Variants in PRUNE1 observed in about 807,000 individuals in gnomAD.
The protein encoded by PRUNE1 is prune exopolyphosphatase 1.
In PRUNE1, 25 loss-of-function variants were observed where a neutral mutation model predicts 42.5. That is an observed-to-expected ratio of 0.59 (90% confidence interval 0.43 to 0.82). PRUNE1 has a LOEUF of 0.82. Among genes scored for constraint, PRUNE1 ranks in the 40% least tolerant of loss-of-function variants. The pLI, the probability that PRUNE1 is intolerant of heterozygous loss-of-function variation, is 0.00. For synonymous variants in PRUNE1, 203 were observed against 217.1 expected, an observed-to-expected ratio of 0.93 and a Z score of 0.57; for missense variants, 443 against 539.3, an observed-to-expected ratio of 0.82 and a Z score of 1.77.
At chr1:151,012,133 G>T (rs1323194074) in intron 1 of PRUNE1, among the ~76,000 whole-genome samples, 1 of 152,094 alleles carries the variant, frequency 6.6e-6, no homozygotes, top group Non-Finnish European at 1.5e-5. Flanking sequence ...TTATTTACTT[G>T]TGGCCCTCAG....
intron 1 of PRUNE1, 102 bp downstream of exon 1, chr1:151,008,773 C>A: frequency 1.4e-6 from 2 of 1,400,338 alleles, no homozygotes; most frequent in Non-Finnish European, 2.0e-6. Flanking sequence ...GTGGAGGGAA[C>A]ACTGAGTTGT....
intron 6 of PRUNE1, 121 bp downstream of exon 6, chr1:151,027,448 T>A: frequency 1.4e-6 from 1 of 694,782 alleles, no homozygotes. Flanking sequence ...TATCTTTGTC[T>A]CTACCTCCAC....
chr1:151,030,399 G>GC (rs1049002753), intron 7 of PRUNE1, among the ~76,000 whole-genome samples: 9 of 151,932 alleles, frequency 5.9e-5, no homozygotes, highest in Admixed American at 3.3e-4. Context: ...GTCCTTTCCC[G>GC]CCCCCCTTTG....
intron 6 of PRUNE1, among the ~76,000 whole-genome samples, chr1:151,028,446 G>A (rs894443945): frequency 4.0e-5 from 6 of 151,424 alleles, no homozygotes; most frequent in South Asian, 2.1e-4. Context: ...TTTTTGAGAC[G>A]GAGTTTCGCT....
intron 1 of PRUNE1, among the ~76,000 whole-genome samples, chr1:151,015,047 G>T (rs1401152534): frequency 6.6e-6 from 1 of 152,216 alleles, no homozygotes; most frequent in African/African-American, 2.4e-5. Flanking sequence ...CAAAAATTTG[G>T]CTGGGCGTGG....
chr1:151,017,531 T>G (rs1674179209), intron 1 of PRUNE1, among the ~76,000 whole-genome samples: 1 of 151,952 alleles, frequency 6.6e-6, no homozygotes, highest in Admixed American at 6.6e-5. Flanking sequence ...CCCAGGAGTT[T>G]GAGACCAGCC....
Position 151,018,741 on chromosome 1 carries a change from A to G in PRUNE1, c.335+72A>G, listed in dbSNP as rs1674249566. 2.1e-6 allele frequency: 3 copies of G among 1,417,530 alleles called. No individual in the cohort carries two copies. In the African/African-American group the frequency reaches 4.3e-5, roughly 20 times the overall value. 87.8% of individuals were successfully genotyped at this position (1,417,530 alleles called of 1,614,324 possible). A position where few individuals can be genotyped will look rare whatever the true frequency, so the allele number is the denominator to read the frequency against. On this transcript the variant is annotated intron_variant, in intron 3 of 7. Coordinates refer to ENST00000271620, the MANE Select transcript of PRUNE1 (RefSeq NM_021222.3). ...GCTCTGATGAGTGAGATATAAAGAG[A>G]GGAAGAAAGAGTTTTTGCTGGCTGG...
intron 1 of PRUNE1, among the ~76,000 whole-genome samples, chr1:151,012,646 CG>C (rs1161056666): frequency 6.6e-6 from 1 of 152,054 alleles, no homozygotes; most frequent in African/African-American, 2.4e-5. Flanking sequence ...ACTTGAACAA[CG>C]GGGAGAAGTA....
intron 1 of PRUNE1, among the ~76,000 whole-genome samples, chr1:151,013,463 C>G (rs1339975474): frequency 1.3e-5 from 2 of 152,182 alleles, no homozygotes; most frequent in African/African-American, 4.8e-5. Flanking sequence ...CAGAACCATA[C>G]CACTGTATTT....
intron 3 of PRUNE1, among the ~76,000 whole-genome samples, chr1:151,024,381 G>A (rs949428094): frequency 9.2e-5 from 14 of 152,136 alleles, no homozygotes; most frequent in East Asian, 5.8e-4. Context: ...TTTAATCCCA[G>A]CTACTCAGGA....
rs796358745 is a variant in PRUNE1 at position 151,012,113 on chromosome 1, A to G, written c.39+3442A>G. ...CTTTAAAAAAAAGAAAAAAGAAAAA[A>G]AGTTTGTATTTATTTACTTGTGGCC... On this transcript the variant is annotated intron_variant, in intron 1 of 7. Transcript: ENST00000271620. 3.9e-5 allele frequency among the ~76,000 whole-genome samples: 6 copies of G among 152,228 alleles called. No homozygotes were observed. The East Asian group carries it at 9.6e-4, about 24-fold the overall frequency.
intron 3 of PRUNE1, among the ~76,000 whole-genome samples, chr1:151,023,787 G>GGCA (rs1461924862): frequency 6.6e-6 from 1 of 151,124 alleles, no homozygotes; most frequent in African/African-American, 2.4e-5. Context: ...GGGTTGGAAA[G>GGCA]GCAACGCTAA....
intron 1 of PRUNE1, among the ~76,000 whole-genome samples, chr1:151,014,679 A>G (rs587679638): frequency 1.2e-4 from 19 of 152,316 alleles, no homozygotes; most frequent in African/African-American, 4.1e-4. Flanking sequence ...TCTTGAGTCT[A>G]GCAAATCTTC....
Position 151,021,321 on chromosome 1 carries a change from G to A in PRUNE1, c.335+2652G>A, listed in dbSNP as rs587762786. Among the ~76,000 whole-genome samples, 25 of 152,056 alleles carry A rather than the reference G, an allele frequency of 1.6e-4. No homozygotes were observed. In the East Asian group the frequency reaches 4.7e-3, roughly 28 times the overall value. On this transcript the variant is annotated intron_variant, in intron 3 of 7. Transcript: ENST00000271620. ...AAATACAAAATTAGCCAGGCGTGGTGGCACATGCCTGTAATCCCAGCTACT... is the reference window on the plus strand; with the variant it reads ...AAATACAAAATTAGCCAGGCGTGGTAGCACATGCCTGTAATCCCAGCTACT...
At chr1:151,019,869 C>G (rs1674314675) in intron 3 of PRUNE1, among the ~76,000 whole-genome samples, 1 of 149,834 alleles carries the variant, frequency 6.7e-6, no homozygotes, top group Non-Finnish European at 1.5e-5. Flanking sequence ...GCTCTGTCAC[C>G]CAGGCTTCAG....
At position 151,025,539 on chromosome 1, in the gene PRUNE1, A is replaced by C; in HGVS notation, c.545A>C (p.Asn182Thr). The change falls in exon 5 of 8, where the codon AAC becomes ACC. Residue 182 changes from asparagine (N) to threonine (T), a missense_variant. Coordinates refer to ENST00000271620, the MANE Select transcript of PRUNE1 (RefSeq NM_021222.3). ...GGAACCATCATCCTGGACTGTGTCA[A>C]CATGGACCTTAAAATTGGAAAGGCA... ...LHGTIILDCV[N>T]MDLKIGKATP... The C allele has an allele frequency of 6.2e-7, 1 of 1,614,098 alleles. No individual in the cohort carries two copies. Among genetic ancestry groups the C allele is most frequent in the Non-Finnish European group, 8.5e-7 (1 of 1,179,992 alleles).
intron 1 of PRUNE1, among the ~76,000 whole-genome samples, chr1:151,010,281 G>A (rs1012213351): frequency 1.3e-5 from 2 of 151,886 alleles, no homozygotes; most frequent in Non-Finnish European, 2.9e-5. Context: ...ACAGGGTCTC[G>A]CCATGCTGCC....
At chr1:151,008,800 G>T (rs1673533012) in intron 1 of PRUNE1, 129 bp downstream of exon 1, 1 of 1,183,396 alleles carries the variant, frequency 8.5e-7, no homozygotes. Flanking sequence ...GGGGGTTGGG[G>T]CCTGATCAGT....
At chr1:151,017,641 T>G (rs1674186254) in intron 1 of PRUNE1, among the ~76,000 whole-genome samples, 171 bp from the exon 2 acceptor site, 1 of 152,018 alleles carries the variant, frequency 6.6e-6, no homozygotes, top group Non-Finnish European at 1.5e-5. Flanking sequence ...GAGGATCGAC[T>G]GAACCTAGTA....
Sources: allele counts gnomAD v4.1 joint callset (sites outside exome capture counted in the v4.1 genomes callset), GRCh38; gene constraint gnomAD v4.1.1; transcripts MANE v1.5; gene names NCBI Gene and HGNC (gene_info 2026-07-23, HGNC 2026-07-21).